Variants in NBAS observed in about 807,000 individuals in gnomAD.
The protein encoded by NBAS is NAG/BC035112 fusion.
In NBAS, 219 loss-of-function variants were observed where a neutral mutation model predicts 302.5. The ratio of observed to expected loss-of-function variants is 0.72; its 90% CI spans 0.65 to 0.81. The LOEUF (loss-of-function observed/expected upper bound fraction) is 0.81, where lower values mean the gene tolerates loss of function less well. NBAS is among the 30% of genes least tolerant of loss of function. NBAS has a pLI of 0.00. For missense variants in NBAS, 2,932 were observed against 2,841.6 expected, an observed-to-expected ratio of 1.03 and a Z score of -0.72; for synonymous variants, 1,118 against 1,021.6, an observed-to-expected ratio of 1.09 and a Z score of -1.80.
intron 11 of NBAS, among the ~76,000 whole-genome samples, chr2:15,501,213 A>C (rs1410009994): frequency 6.6e-6 from 1 of 151,924 alleles, no homozygotes; most frequent in Non-Finnish European, 1.5e-5. Flanking sequence ...AGACAGGAGA[A>C]TGGTGTGAAC....
chr2:14,935,450 A>T, the NBAS span, among the ~76,000 whole-genome samples: 1 of 152,158 alleles, frequency 6.6e-6, no homozygotes, highest in African/African-American at 2.4e-5. Flanking sequence ...ATGCCCCTTG[A>T]ACTTGCTTTG....
chr2:15,067,997 C>T, the NBAS span, among the ~76,000 whole-genome samples: 1 of 152,162 alleles, frequency 6.6e-6, no homozygotes, highest in Non-Finnish European at 1.5e-5. Flanking sequence ...TGCTTAGCCT[C>T]TAAGTTTTAG....
At chr2:14,966,494 C>A in the NBAS span, among the ~76,000 whole-genome samples, 1 of 152,162 alleles carries the variant, frequency 6.6e-6, no homozygotes, top group Admixed American at 6.5e-5. Flanking sequence ...GCTGCTGATA[C>A]TAAAAGTCGC....
the NBAS span, among the ~76,000 whole-genome samples, chr2:14,872,780 C>G: frequency 6.6e-6 from 1 of 152,110 alleles, no homozygotes; most frequent in Admixed American, 6.5e-5. Flanking sequence ...GTTGCTCTTC[C>G]TCCCAGTCGG....
the NBAS span, among the ~76,000 whole-genome samples, chr2:15,095,885 G>A: frequency 6.6e-6 from 1 of 152,164 alleles, no homozygotes; most frequent in African/African-American, 2.4e-5. Flanking sequence ...GGCAGAAACG[G>A]CACAGTATCT....
the NBAS span, among the ~76,000 whole-genome samples, chr2:15,050,182 C>T: frequency 6.6e-6 from 1 of 152,162 alleles, no homozygotes; most frequent in Admixed American, 6.5e-5. Context: ...GAAGCTATCC[C>T]AGCACACTCG....
At chr2:15,349,002 A>T (rs1246498747) in intron 35 of NBAS, among the ~76,000 whole-genome samples, 1 of 152,228 alleles carries the variant, frequency 6.6e-6, no homozygotes, top group East Asian at 1.9e-4. Flanking sequence ...AGAGCACAAG[A>T]CAAGCACAAG....
At chr2:15,316,912 G>A (rs1489513748) in intron 38 of NBAS, among the ~76,000 whole-genome samples, 1 of 152,226 alleles carries the variant, frequency 6.6e-6, no homozygotes, top group Non-Finnish European at 1.5e-5. Context: ...AGAAAGGACA[G>A]ACTGCCTCCT....
chr2:15,206,077 T>C (rs879808058), intron 48 of NBAS, among the ~76,000 whole-genome samples: 2 of 152,144 alleles, frequency 1.3e-5, no homozygotes, highest in Non-Finnish European at 2.9e-5. Context: ...ATGTGGGAAG[T>C]ATGAAACTTC....
the NBAS span, among the ~76,000 whole-genome samples, chr2:14,789,583 T>A: frequency 1.3e-5 from 2 of 152,236 alleles, no homozygotes; most frequent in African/African-American, 4.8e-5. Context: ...TGAAAACTAT[T>A]GGGCCAGTTA....
chr2:15,026,284 G>A, the NBAS span, among the ~76,000 whole-genome samples: 2 of 23,216 alleles, frequency 8.6e-5, 1 homozygote, highest in Non-Finnish European at 1.5e-4. Flanking sequence ...GTGAAACCCC[G>A]TCTCTACTAA....
intron 28 of NBAS, among the ~76,000 whole-genome samples, chr2:15,387,692 C>G (rs1423316902): frequency 6.6e-6 from 1 of 151,386 alleles, no homozygotes; most frequent in Non-Finnish European, 1.5e-5. Flanking sequence ...AGTGCAGTGG[C>G]AAGATCTCGG....
At chr2:15,302,148 G>A (rs1435663645) in intron 40 of NBAS, among the ~76,000 whole-genome samples, 1 of 152,182 alleles carries the variant, frequency 6.6e-6, no homozygotes, top group African/African-American at 2.4e-5. Context: ...TGGAGAGGTG[G>A]TAACTCTCAC....
At chr2:15,326,390 G>A (rs1276620033) in intron 38 of NBAS, among the ~76,000 whole-genome samples, 3 of 152,144 alleles carry the variant, frequency 2.0e-5, no homozygotes, top group Non-Finnish European at 2.9e-5. Context: ...CAATGTTTGC[G>A]AATGTTTTGG....
the NBAS span, among the ~76,000 whole-genome samples, chr2:14,821,438 C>A: frequency 6.6e-6 from 1 of 152,170 alleles, no homozygotes; most frequent in African/African-American, 2.4e-5. Flanking sequence ...TCCACCCTGC[C>A]CGCTCTGGAT....
In NBAS at chr2:15,234,636, G is replaced by C. The variant is rs1164150721; in HGVS notation, c.6055C>G (p.Gln2019Glu). Residue 2019 changes from glutamine to glutamate, a missense_variant, in exon 46 of 52, where the codon CAG becomes GAG. Transcript: ENST00000281513. Reference protein sequence around the residue: ...CLDGQPLAMIQQLLEVAVGPL... With the variant: ...CLDGQPLAMIEQLLEVAVGPL... ...CCAACTGCCACCTCTAGCAGCTGCT[G>C]AATCATTGCTAGAGGCTGACCATCT... 1.4e-5 allele frequency: 22 copies of C among 1,614,022 alleles called. No homozygotes were observed. In the East Asian group the frequency reaches 3.8e-4, roughly 28 times the overall value.
chr2:14,841,960 A>G, the NBAS span, among the ~76,000 whole-genome samples: 5 of 152,000 alleles, frequency 3.3e-5, no homozygotes, highest in African/African-American at 1.2e-4. Context: ...AGTCTCAAAC[A>G]ATTCAAAAAA....
At chr2:15,553,848 CT>C (rs1216176394) in intron 4 of NBAS, among the ~76,000 whole-genome samples, 8 of 114,944 alleles carry the variant, frequency 7.0e-5, no homozygotes, top group Middle Eastern at 8.5e-3. Flanking sequence ...CTCCCTCTTC[CT>C]CTCTCCCTCC....
At chr2:15,102,061 C>T in the NBAS span, among the ~76,000 whole-genome samples, 2 of 152,200 alleles carry the variant, frequency 1.3e-5, no homozygotes, top group Non-Finnish European at 2.9e-5. Flanking sequence ...AGGTTAGTTC[C>T]ACTTTCCCTC....
Sources: allele counts gnomAD v4.1 joint callset (sites outside exome capture counted in the v4.1 genomes callset), GRCh38; gene constraint gnomAD v4.1.1; transcripts MANE v1.5; gene names NCBI Gene and HGNC (gene_info 2026-07-23, HGNC 2026-07-21).